ENOX1: variants seen among roughly 807,000 people sequenced by gnomAD.
The protein encoded by ENOX1 is ecto-NOX disulfide-thiol exchanger 1.
Under a neutral mutation model 82.5 loss-of-function variants are expected in ENOX1, and 42 were observed. The ratio of observed to expected loss-of-function variants is 0.51; its 90% CI spans 0.40 to 0.66. ENOX1 has a LOEUF of 0.66. Ranked by LOEUF, ENOX1 falls within the 30% of genes least tolerant of loss-of-function variation. The pLI, the probability that ENOX1 is intolerant of heterozygous loss-of-function variation, is 0.00. For synonymous variants in ENOX1, 271 were observed against 282.2 expected (o/e 0.96, Z 0.40); for missense variants, 608 against 811.6 (o/e 0.75, Z 3.05).
chr13:43,694,917 A>C (rs1399811508), intron 1 of ENOX1, among the ~76,000 whole-genome samples: 1 of 152,222 alleles, frequency 6.6e-6, no homozygotes, highest in South Asian at 2.1e-4. Flanking sequence ...ATTTTGTCTA[A>C]GAAATTAAGG....
chr13:43,252,451 A>G (rs1323009435), intron 14 of ENOX1, among the ~76,000 whole-genome samples: 1 of 152,178 alleles, frequency 6.6e-6, no homozygotes, highest in African/African-American at 2.4e-5. Flanking sequence ...CCTGGCTCTG[A>G]TGTCTGCACA....
At chr13:43,525,088 A>G (rs1185227273) in intron 2 of ENOX1, among the ~76,000 whole-genome samples, 1 of 152,154 alleles carries the variant, frequency 6.6e-6, no homozygotes, top group African/African-American at 2.4e-5. Context: ...ATATTTTTAA[A>G]TTTTTTAAAT....
intron 5 of ENOX1, among the ~76,000 whole-genome samples, chr13:43,369,448 G>T (rs1020231478): frequency 6.6e-6 from 1 of 152,134 alleles, no homozygotes; most frequent in African/African-American, 2.4e-5. Context: ...AAAAGTAATG[G>T]TCATGTTTAC....
chr13:43,715,686 A>C (rs1443414596), intron 1 of ENOX1, among the ~76,000 whole-genome samples: 1 of 151,820 alleles, frequency 6.6e-6, no homozygotes, highest in African/African-American at 2.4e-5. Flanking sequence ...TTTTTTCTCT[A>C]AACTTCCTTT....
intron 9 of ENOX1, among the ~76,000 whole-genome samples, chr13:43,344,049 T>C (rs1005919127): frequency 6.6e-6 from 1 of 152,132 alleles, no homozygotes; most frequent in Non-Finnish European, 1.5e-5. Context: ...TACTCTTGAG[T>C]TGCCCATTTT....
intron 5 of ENOX1, among the ~76,000 whole-genome samples, chr13:43,398,148 G>T (rs185568461): frequency 2.4e-4 from 36 of 152,256 alleles, no homozygotes; most frequent in African/African-American, 8.2e-4. Flanking sequence ...ATGAATTTGG[G>T]GGTATGCAAA....
chr13:43,599,204 A>G (rs2081598361), intron 2 of ENOX1, among the ~76,000 whole-genome samples: 1 of 152,180 alleles, frequency 6.6e-6, no homozygotes, highest in African/African-American at 2.4e-5. Flanking sequence ...CACCTTTAAA[A>G]GAACCAAAAA....
chr13:43,386,677 T>C (rs1183134051), intron 5 of ENOX1, among the ~76,000 whole-genome samples: 1 of 152,208 alleles, frequency 6.6e-6, no homozygotes, highest in Non-Finnish European at 1.5e-5. Context: ...ATAAAATTAC[T>C]TTTTGATATT....
At chr13:43,479,511 G>C (rs1307426290) in intron 3 of ENOX1, among the ~76,000 whole-genome samples, 1 of 152,076 alleles carries the variant, frequency 6.6e-6, no homozygotes, top group Non-Finnish European at 1.5e-5. Flanking sequence ...CCATTTTCCT[G>C]TACTGAGTTC....
chr13:43,765,649 A>T (rs1951219120), intron 1 of ENOX1, among the ~76,000 whole-genome samples: 1 of 152,206 alleles, frequency 6.6e-6, no homozygotes, highest in Non-Finnish European at 1.5e-5. Flanking sequence ...CTGCAGTAAC[A>T]TTAGGAAGCA....
chr13:43,495,870 C>A (rs372811890), intron 2 of ENOX1, among the ~76,000 whole-genome samples: 1 of 151,864 alleles, frequency 6.6e-6, no homozygotes, highest in African/African-American at 2.4e-5. Context: ...TTATCTTTTT[C>A]TTGTGGATGT....
intron 2 of ENOX1, among the ~76,000 whole-genome samples, chr13:43,548,793 A>G (rs1320534869): frequency 6.6e-6 from 1 of 152,172 alleles, no homozygotes; most frequent in Non-Finnish European, 1.5e-5. Context: ...GCTGACAGAT[A>G]TCACTAATGG....
intron 1 of ENOX1, among the ~76,000 whole-genome samples, chr13:43,681,975 G>A (rs144145531): frequency 2.5e-3 from 382 of 152,146 alleles, no homozygotes; most frequent in African/African-American, 8.9e-3. Flanking sequence ...GCTTTGCCCA[G>A]ATCAGGTATA....
At chr13:43,598,137 C>G (rs1381116834) in intron 2 of ENOX1, among the ~76,000 whole-genome samples, 1 of 152,016 alleles carries the variant, frequency 6.6e-6, no homozygotes, top group Admixed American at 6.6e-5. Context: ...CAGCTCCCAT[C>G]CATTGATACC....
intron 2 of ENOX1, among the ~76,000 whole-genome samples, chr13:43,505,408 A>G (rs1236131447): frequency 6.6e-6 from 1 of 151,968 alleles, no homozygotes; most frequent in African/African-American, 2.4e-5. Flanking sequence ...ACTATACCCT[A>G]AAAAGCAAGA....
At chr13:43,753,903 T>A (rs1442384061) in intron 1 of ENOX1, among the ~76,000 whole-genome samples, 4 of 146,362 alleles carry the variant, frequency 2.7e-5, no homozygotes, top group Admixed American at 1.4e-4. Flanking sequence ...TTTTTCCTTA[T>A]CCAATTACGA....
At chr13:43,275,131 T>TA (rs2044929015) in intron 12 of ENOX1, among the ~76,000 whole-genome samples, 1 of 152,200 alleles carries the variant, frequency 6.6e-6, no homozygotes, top group Non-Finnish European at 1.5e-5. Flanking sequence ...AAAATCCTCC[T>TA]AGCAACGACT....
intron 9 of ENOX1, among the ~76,000 whole-genome samples, chr13:43,333,756 G>C (rs1353521352): frequency 6.6e-6 from 1 of 152,214 alleles, no homozygotes; most frequent in Non-Finnish European, 1.5e-5. Flanking sequence ...CCGAGTAGCT[G>C]GTATTACAGG....
intron 2 of ENOX1, among the ~76,000 whole-genome samples, chr13:43,493,376 A>G (rs2076687358): frequency 1.3e-5 from 2 of 152,240 alleles, no homozygotes; most frequent in Admixed American, 1.3e-4. Flanking sequence ...TGAAGGCCTT[A>G]GAACCAAGAA....
Sources: gnomAD v4.1 joint callset for allele counts (sites outside exome capture counted in the v4.1 genomes callset) on GRCh38, gnomAD v4.1.1 for gene constraint, MANE v1.5 for transcripts, NCBI Gene and HGNC (gene_info 2026-07-23, HGNC 2026-07-21) for gene names.